The following ADGRL2 variants were observed in gnomAD, a reference collection of about 807,000 sequenced individuals.
The protein encoded by ADGRL2 is adhesion G protein-coupled receptor L2, also known as calcium-independent alpha-latrotoxin receptor 2.
A neutral mutation model predicts 157.4 loss-of-function variants in ADGRL2; 44 were observed. The observed-to-expected ratio is 0.28, with a 90% CI of 0.22 to 0.36. ADGRL2 has a LOEUF of 0.36. Among genes scored for constraint, ADGRL2 ranks in the 10% least tolerant of loss-of-function variants. The pLI is 1.00. For missense variants in ADGRL2, 1,510 were observed against 1,768.9 expected, an observed-to-expected ratio of 0.85 and a Z score of 2.63; for synonymous variants, 585 against 624.7, an observed-to-expected ratio of 0.94 and a Z score of 0.95.
intron 1 of ADGRL2, among the ~76,000 whole-genome samples, chr1:81,337,486 C>T (rs1661738729): frequency 6.6e-6 from 1 of 152,178 alleles, no homozygotes; most frequent in South Asian, 2.1e-4. Context: ...AGTAAACAAG[C>T]CATCCCCTTC....
At chr1:81,694,853 G>C (rs1317181092), upstream of ADGRL2, among the ~76,000 whole-genome samples, 2 of 152,110 alleles carry the variant, frequency 1.3e-5, no homozygotes, top group Non-Finnish European at 2.9e-5. Flanking sequence ...GATGAACATT[G>C]TGAATCCTAC....
upstream of ADGRL2, among the ~76,000 whole-genome samples, chr1:81,696,822 A>C (rs2149013935): frequency 6.6e-6 from 1 of 152,288 alleles, no homozygotes; most frequent in South Asian, 2.1e-4. Context: ...CCAGAAAGGA[A>C]AGATTCTGAG....
At chr1:81,463,441 C>G (rs1412230388) in intron 2 of ADGRL2, among the ~76,000 whole-genome samples, 2 of 152,248 alleles carry the variant, frequency 1.3e-5, no homozygotes, top group Middle Eastern at 3.4e-3. Flanking sequence ...CTTCAAAATA[C>G]TTCTGGTATT....
intron 3 of ADGRL2, among the ~76,000 whole-genome samples, chr1:81,581,380 A>T (rs1381916986): frequency 6.6e-6 from 1 of 152,200 alleles, no homozygotes; most frequent in Non-Finnish European, 1.5e-5. Context: ...GCGGGAAAAT[A>T]TTTAAGCTAA....
At chr1:81,888,964 T>A (rs915286809) in intron 2 of ADGRL2, among the ~76,000 whole-genome samples, 3 of 152,188 alleles carry the variant, frequency 2.0e-5, no homozygotes, top group African/African-American at 7.2e-5. Context: ...ATTATTGTAA[T>A]TGGAGTGCCA....
chr1:81,747,035 T>TATATACGTATATACACATGTGTATATAC (rs2085295367), intron 1 of ADGRL2, among the ~76,000 whole-genome samples: 1 of 129,240 alleles, frequency 7.7e-6, no homozygotes, highest in Non-Finnish European at 1.8e-5. Flanking sequence ...TGTATATACG[T>TATATACGTATATACACATGTGTATATAC]ATATATATGT....
intron 1 of ADGRL2, among the ~76,000 whole-genome samples, chr1:81,360,314 A>G (rs903471455): frequency 6.6e-6 from 1 of 151,918 alleles, no homozygotes; most frequent in African/African-American, 2.4e-5. Flanking sequence ...CTCAATTCTA[A>G]TATTATTTCA....
intron 1 of ADGRL2, among the ~76,000 whole-genome samples, chr1:81,753,082 A>G (rs1414243519): frequency 6.6e-6 from 1 of 152,214 alleles, no homozygotes; most frequent in Non-Finnish European, 1.5e-5. Context: ...TACTGAAGAC[A>G]TCGCTGTATC....
intron 3 of ADGRL2, among the ~76,000 whole-genome samples, chr1:81,688,735 G>GT (rs2083277807): frequency 6.6e-6 from 1 of 152,110 alleles, no homozygotes; most frequent in Admixed American, 6.5e-5. Context: ...TTTGGGGGGT[G>GT]TTGAAGGCCT....
chr1:81,639,640 T>A (rs2082181019), intron 3 of ADGRL2, among the ~76,000 whole-genome samples: 1 of 150,876 alleles, frequency 6.6e-6, no homozygotes, highest in Non-Finnish European at 1.5e-5. Flanking sequence ...AGAGCAGACT[T>A]CAGACCAAAG....
At chr1:81,867,541 T>A (rs76819855) in intron 2 of ADGRL2, among the ~76,000 whole-genome samples, 2,234 of 152,328 alleles carry the variant, frequency 0.015, 42 homozygotes, top group African/African-American at 0.044. Context: ...ATTTCTGTAC[T>A]TGAAAATATT....
chr1:81,584,627 C>T (rs776523242), intron 3 of ADGRL2, among the ~76,000 whole-genome samples: 5 of 152,046 alleles, frequency 3.3e-5, no homozygotes, highest in African/African-American at 4.8e-5. Flanking sequence ...TTGGCAATCG[C>T]GCTTTTCTTT....
Position 81,837,025 on chromosome 1 carries a change from T to C in ADGRL2, c.41T>C (p.Ile14Thr). 6.3e-7 allele frequency: 1 copy of C among 1,593,872 alleles called. No homozygotes were observed. The highest frequency in any genetic ancestry group is 2.3e-5 in the East Asian group (1 of 43,420). The change falls in exon 2 of 24, where the codon ATC (isoleucine) becomes ACC (threonine). Residue 14 changes from isoleucine to threonine, a missense_variant. By Grantham distance (89) the Ile-to-Thr change is moderately conservative. This residue lies in a region of ADGRL2 where 361 missense variants were observed against 498.4 expected (regional missense o/e 0.72). Coordinates refer to ENST00000686636, the MANE Select transcript of ADGRL2 (RefSeq NM_001366006.2). ...SGCRMRSLWF[I>T]IVISFLPNTE... is the part of the protein sequence containing the mutation. ...TGCAGAATGCGAAGTCTGTGGTTTATCATTGTAATCAGCTTCTTACCAAAT... is the reference window on the plus strand; with the variant it reads ...TGCAGAATGCGAAGTCTGTGGTTTACCATTGTAATCAGCTTCTTACCAAAT...
At chr1:81,520,604 TAA>T (rs1380295672) in intron 2 of ADGRL2, among the ~76,000 whole-genome samples, 1 of 152,154 alleles carries the variant, frequency 6.6e-6, no homozygotes, top group African/African-American at 2.4e-5. Flanking sequence ...GATGGTTTTA[TAA>T]GTGTTTGACA....
chr1:81,346,744 A>G (rs1329797051), intron 1 of ADGRL2, among the ~76,000 whole-genome samples: 1 of 152,212 alleles, frequency 6.6e-6, no homozygotes, highest in African/African-American at 2.4e-5. Context: ...TTGATCTTGG[A>G]CTTCCCAGCC....
intron 2 of ADGRL2, among the ~76,000 whole-genome samples, chr1:81,524,339 C>G (rs1305912938): frequency 1.3e-5 from 2 of 152,184 alleles, no homozygotes; most frequent in Non-Finnish European, 2.9e-5. Context: ...GCACTCTAGC[C>G]TGGGCAACAG....
intron 5 of ADGRL2, 94 bp from the exon 6 acceptor site, chr1:81,942,875 G>A: frequency 3.3e-6 from 3 of 903,604 alleles, no homozygotes; most frequent in Non-Finnish European, 5.4e-6. Flanking sequence ...CTAATAATAT[G>A]AATTTTTCCC....
In ADGRL2 at chr1:81,392,239, CAAAG is replaced by C. The variant is rs368758914; in HGVS notation, c.-301-52794_-301-52791del. On this transcript the variant is annotated intron_variant, in intron 1 of 24. Coordinates refer to the ADGRL2 transcript ENST00000370721. Reference sequence around the variant, plus strand: ...TACCCCATCCCCACAAAAAAAAAAACAAAGAAGCAACATTTTCTGAGCTTAAAAA... The same window carrying C: ...TACCCCATCCCCACAAAAAAAAAAACAAGCAACATTTTCTGAGCTTAAAAA... Among the ~76,000 whole-genome samples the C allele has an allele frequency of 9.4e-4, 131 of 139,136 alleles. 1 individual carries two copies. The Middle Eastern group carries it at 0.025, about 27-fold the overall frequency. 91.3% of individuals were successfully genotyped at this position (139,136 alleles called of 152,430 possible).
At chr1:81,909,722 GT>G (rs34439783) in intron 3 of ADGRL2, among the ~76,000 whole-genome samples, 31 of 147,116 alleles carry the variant, frequency 2.1e-4, no homozygotes, top group East Asian at 1.8e-3. Context: ...ACCATTGCTT[GT>G]TTTTTTTTTT....
Sources: allele counts gnomAD v4.1 joint callset (sites outside exome capture counted in the v4.1 genomes callset), GRCh38; gene constraint gnomAD v4.1.1; regional missense constraint gnomAD v4.1.1; transcripts MANE v1.5; gene names NCBI Gene and HGNC (gene_info 2026-07-23, HGNC 2026-07-21).